The following ATOSA variants were observed in gnomAD, a reference collection of about 807,000 sequenced individuals.
ATOSA encodes atos homolog A, also known as atos homolog protein A.
chr15:52,607,945 A>G, the ATOSA span, among the ~76,000 whole-genome samples: 1 of 152,198 alleles, frequency 6.6e-6, no homozygotes, highest in East Asian at 1.9e-4. Context: ...CAGTGGCACA[A>G]TCATAGTTCA....
the ATOSA span, among the ~76,000 whole-genome samples, chr15:52,604,619 T>C: frequency 6.6e-6 from 1 of 152,164 alleles, no homozygotes; most frequent in African/African-American, 2.4e-5. Flanking sequence ...CTGATTTACA[T>C]ATGAGGAAAC....
the ATOSA span, among the ~76,000 whole-genome samples, chr15:52,668,090 G>T: frequency 6.6e-6 from 1 of 152,208 alleles, no homozygotes; most frequent in Non-Finnish European, 1.5e-5. Context: ...AAATCAGCAT[G>T]TTGAAGAGAT....
chr15:52,670,085 A>G, the ATOSA span, among the ~76,000 whole-genome samples: 1 of 152,064 alleles, frequency 6.6e-6, no homozygotes, highest in Non-Finnish European at 1.5e-5. Flanking sequence ...TCTCCATTGC[A>G]TTTGCATTAA....
the ATOSA span, among the ~76,000 whole-genome samples, chr15:52,591,391 C>T: frequency 1.1e-4 from 16 of 152,194 alleles, no homozygotes; most frequent in South Asian, 1.9e-3. Flanking sequence ...CCACCATGCT[C>T]GGCTAATTTT....
the ATOSA span, among the ~76,000 whole-genome samples, chr15:52,695,972 A>C: frequency 6.6e-6 from 1 of 152,288 alleles, no homozygotes; most frequent in East Asian, 1.9e-4. Context: ...ACAGTAGAAA[A>C]TGAGGCTGGA....
At chr15:52,675,930 AAAAG>A in the ATOSA span, among the ~76,000 whole-genome samples, 1 of 152,084 alleles carries the variant, frequency 6.6e-6, no homozygotes, top group Non-Finnish European at 1.5e-5. Flanking sequence ...AAAAGAAAAA[AAAAG>A]AGAGAAAACT....
At chr15:52,617,433 A>G in the ATOSA span, among the ~76,000 whole-genome samples, 1 of 152,184 alleles carries the variant, frequency 6.6e-6, no homozygotes, top group African/African-American at 2.4e-5. Flanking sequence ...CCATTGTTTA[A>G]GCCACCCAAA....
the ATOSA span, among the ~76,000 whole-genome samples, chr15:52,584,565 A>C: frequency 6.6e-6 from 1 of 152,198 alleles, no homozygotes; most frequent in Non-Finnish European, 1.5e-5. Context: ...TTCAACAAGT[A>C]ATGACCACCA....
the ATOSA span, among the ~76,000 whole-genome samples, chr15:52,683,579 C>T: frequency 6.6e-6 from 1 of 152,176 alleles, no homozygotes; most frequent in Admixed American, 6.5e-5. Flanking sequence ...GAAATTTCTT[C>T]AGCACTTAAG....
At chr15:52,612,901 A>G in the ATOSA span, among the ~76,000 whole-genome samples, 1 of 152,046 alleles carries the variant, frequency 6.6e-6, no homozygotes, top group East Asian at 1.9e-4. Flanking sequence ...ATGCTACTAC[A>G]CCAAAATATT....
At chr15:52,668,073 G>A in the ATOSA span, among the ~76,000 whole-genome samples, 1 of 152,126 alleles carries the variant, frequency 6.6e-6, no homozygotes, top group Admixed American at 6.6e-5. Flanking sequence ...TATACCCAAA[G>A]GAAATGAAAT....
chr15:52,623,210 G>A, the ATOSA span, among the ~76,000 whole-genome samples: 7 of 151,714 alleles, frequency 4.6e-5, no homozygotes, highest in Non-Finnish European at 8.8e-5. Context: ...ATAGGATTTC[G>A]AAAATAGGAC....
the ATOSA span, among the ~76,000 whole-genome samples, chr15:52,707,352 G>C: frequency 6.6e-6 from 1 of 152,178 alleles, no homozygotes; most frequent in Non-Finnish European, 1.5e-5. Flanking sequence ...CCACTCAATA[G>C]AGACAGATAT....
chr15:52,634,663 G>A, the ATOSA span, among the ~76,000 whole-genome samples: 17 of 149,290 alleles, frequency 1.1e-4, no homozygotes, highest in African/African-American at 3.2e-4. Context: ...GTGCAGTGGC[G>A]CGATCTCGGC....
chr15:52,644,428 C>G, the ATOSA span, among the ~76,000 whole-genome samples: 2 of 152,130 alleles, frequency 1.3e-5, no homozygotes, highest in Non-Finnish European at 2.9e-5. Flanking sequence ...GAGCCTATGA[C>G]ATCTTATACT....
the ATOSA span, chr15:52,613,812 A>C: frequency 3.1e-6 from 5 of 1,613,740 alleles, no homozygotes; most frequent in South Asian, 4.4e-5. Flanking sequence ...GGCCAAAGAG[A>C]CCAAGAACTC....
chr15:52,662,518 C>T, the ATOSA span, among the ~76,000 whole-genome samples: 2 of 152,132 alleles, frequency 1.3e-5, no homozygotes, highest in Admixed American at 1.3e-4. Flanking sequence ...AGCCTGTAAT[C>T]CCAGCACTTT....
At chr15:52,608,490 A>T in the ATOSA span, 1 of 1,425,082 alleles carries the variant, frequency 7.0e-7, no homozygotes, top group South Asian at 1.5e-5. Context: ...GGGCCTTTAT[A>T]ACCAGATCTC....
chr15:52,662,317 C>T, the ATOSA span, among the ~76,000 whole-genome samples: 1 of 152,142 alleles, frequency 6.6e-6, no homozygotes. Flanking sequence ...GGTATGAAAG[C>T]CTCTAATCCC....
Sources: allele counts gnomAD v4.1 joint callset (sites outside exome capture counted in the v4.1 genomes callset), GRCh38; gene constraint gnomAD v4.1.1; transcripts MANE v1.5; gene names NCBI Gene and HGNC (gene_info 2026-07-23, HGNC 2026-07-21).